Variants in CFDP1 observed in about 807,000 individuals in gnomAD.
The protein encoded by CFDP1 is heterochromatin-stabilizing protein CFDP1.
Under a neutral mutation model 40.1 loss-of-function variants are expected in CFDP1, and 31 were observed. The ratio of observed to expected loss-of-function variants is 0.77; its 90% CI spans 0.58 to 1.04. CFDP1 has a LOEUF of 1.04. Ranked by LOEUF, CFDP1 falls within the 50% of genes least tolerant of loss-of-function variation. The probability of loss-of-function intolerance (pLI) is 0.00; values close to 1 mark genes in which losing one functional copy is unlikely to be tolerated. For missense variants in CFDP1, 423 were observed against 343.4 expected, an observed-to-expected ratio of 1.23 and a Z score of -1.83; for synonymous variants, 167 against 120.0, an observed-to-expected ratio of 1.39 and a Z score of -2.56.
chr16:75,361,000 A>G (rs1014293513), intron 5 of CFDP1, among the ~76,000 whole-genome samples: 4 of 152,052 alleles, frequency 2.6e-5, no homozygotes, highest in Non-Finnish European at 5.9e-5. Context: ...CATTCCACCC[A>G]TTCACCAATT....
intron 5 of CFDP1, among the ~76,000 whole-genome samples, chr16:75,366,882 G>A (rs1242342381): frequency 1.3e-5 from 2 of 151,562 alleles, no homozygotes; most frequent in African/African-American, 4.9e-5. Flanking sequence ...ATTTACTATA[G>A]GCCGGGTGTG....
chr16:75,312,654 T>C (rs2078300732), intron 5 of CFDP1, among the ~76,000 whole-genome samples: 1 of 152,164 alleles, frequency 6.6e-6, no homozygotes, highest in South Asian at 2.1e-4. Context: ...CAGAAACATA[T>C]TACAGAAAGC....
chr16:75,399,870 G>A (rs938045822), intron 4 of CFDP1, among the ~76,000 whole-genome samples: 2 of 152,076 alleles, frequency 1.3e-5, no homozygotes, highest in African/African-American at 4.8e-5. Flanking sequence ...GGGAGGCCAA[G>A]GCAGGCGGAT....
intron 5 of CFDP1, among the ~76,000 whole-genome samples, chr16:75,308,362 G>A (rs1038729701): frequency 1.4e-4 from 22 of 152,114 alleles, no homozygotes; most frequent in African/African-American, 5.3e-4. Context: ...CCTGCTTCCT[G>A]GGATCACTTC....
At chr16:75,295,398 T>C (rs2078175191) in intron 6 of CFDP1, among the ~76,000 whole-genome samples, 1 of 152,242 alleles carries the variant, frequency 6.6e-6, no homozygotes, top group African/African-American at 2.4e-5. Flanking sequence ...GTAATAAAGA[T>C]AATAAATAAT....
At position 75,347,796 on chromosome 16, in the gene CFDP1, A is replaced by G. The variant is rs78181575; in HGVS notation, c.651-42614T>C. ...TGATTAAAGTTAATATGAGTAATACACTGATATATGAGAAAAGGACAAATC... is the reference window on the plus strand; with the variant it reads ...TGATTAAAGTTAATATGAGTAATACGCTGATATATGAGAAAAGGACAAATC... On this transcript the variant is annotated intron_variant, in intron 5 of 6. Transcript: ENST00000283882. Among the ~76,000 whole-genome samples the G allele has an allele frequency of 5.1e-3, 771 of 152,334 alleles. 7 individuals are homozygous for G. The highest frequency in any genetic ancestry group is 0.018 in the African/African-American group (740 of 41,572).
intron 5 of CFDP1, among the ~76,000 whole-genome samples, chr16:75,347,898 C>T (rs1030403998): frequency 1.3e-5 from 2 of 152,152 alleles, no homozygotes; most frequent in Admixed American, 6.5e-5. Context: ...CAAATGAAGA[C>T]ACACTCTACA....
At chr16:75,362,448 G>T (rs1383579634) in intron 5 of CFDP1, among the ~76,000 whole-genome samples, 1 of 152,216 alleles carries the variant, frequency 6.6e-6, no homozygotes, top group African/African-American at 2.4e-5. Context: ...TTCCTGGACA[G>T]TCTCAACTTT....
At chr16:75,411,100 C>T (rs1313718071) in intron 4 of CFDP1, among the ~76,000 whole-genome samples, 1 of 151,942 alleles carries the variant, frequency 6.6e-6, no homozygotes, top group African/African-American at 2.4e-5. Context: ...GGCTTGCAAT[C>T]CCATCTACTT....
chr16:75,412,624 C>G lies in CFDP1; in HGVS notation c.313G>C (p.Ala105Pro). Residue 105 changes from alanine to proline, a missense_variant, in exon 3 of 7, where the codon GCC becomes CCC. Coordinates refer to ENST00000283882, the MANE Select transcript of CFDP1 (RefSeq NM_006324.3). ...EQEKGIGSEDARKKKEDELWA... is the reference protein window; with the variant it reads ...EQEKGIGSEDPRKKKEDELWA... ...AGTTCGTCCTCCTTCTTTTTCCTGG[C>G]ATCCTCTGATCCAATGCCTTTTTCC... 1.2e-6 allele frequency: 2 copies of G among 1,614,174 alleles called. No homozygotes were observed. Among genetic ancestry groups the G allele is most frequent in the South Asian group, 2.2e-5 (2 of 91,080 alleles).
intron 5 of CFDP1, among the ~76,000 whole-genome samples, chr16:75,383,546 C>T (rs1438408311): frequency 6.6e-6 from 1 of 152,098 alleles, no homozygotes; most frequent in African/African-American, 2.4e-5. Flanking sequence ...CCCAGCGAGG[C>T]GCTGTGGCTC....
chr16:75,381,281 A>G (rs956389490), intron 5 of CFDP1: 2 of 152,128 alleles, frequency 1.3e-5, no homozygotes, highest in African/African-American at 4.8e-5. Flanking sequence ...CTGGGTAACA[A>G]AGTGAGACCC....
chr16:75,316,906 G>A (rs962462106), intron 5 of CFDP1, among the ~76,000 whole-genome samples: 7 of 151,588 alleles, frequency 4.6e-5, no homozygotes, highest in South Asian at 4.2e-4. Context: ...GCTTGAACCC[G>A]GGAGGCAGAG....
intron 5 of CFDP1, among the ~76,000 whole-genome samples, chr16:75,346,313 G>A (rs11866363): frequency 0.015 from 2,345 of 152,282 alleles, 57 homozygotes; most frequent in African/African-American, 0.053. Flanking sequence ...GCTGGGCATG[G>A]TGGCTCACGC....
chr16:75,380,755 T>C (rs1310631740), intron 5 of CFDP1, among the ~76,000 whole-genome samples: 34 of 152,056 alleles, frequency 2.2e-4, no homozygotes, highest in Admixed American at 2.2e-3. Flanking sequence ...AACCAAAGAA[T>C]TAACATAAAA....
intron 5 of CFDP1, among the ~76,000 whole-genome samples, chr16:75,317,509 G>C (rs543711264): frequency 1.3e-5 from 2 of 152,290 alleles, no homozygotes; most frequent in Admixed American, 1.3e-4. Context: ...GATTCTGCCT[G>C]GGGAGGAGAT....
rs140440316 is a variant in CFDP1 at position 75,327,993 on chromosome 16, G to C, written c.651-22811C>G. On this transcript the variant is annotated intron_variant, in intron 5 of 6. Transcript: ENST00000283882. ...GATCCGCCTGCCTCGGCCTCCCAAA[G>C]TGCTGGGATTACAGGCGTATGCCAC... Among the ~76,000 whole-genome samples, 276 of 152,106 alleles carry C rather than the reference G, an allele frequency of 1.8e-3. 3 individuals are homozygous for C. Among genetic ancestry groups the C allele is most frequent in the East Asian group, 8.9e-3 (46 of 5,146 alleles).
chr16:75,363,880 CA>C (rs2078695879), intron 5 of CFDP1, among the ~76,000 whole-genome samples: 1 of 150,186 alleles, frequency 6.7e-6, no homozygotes, highest in Non-Finnish European at 1.5e-5. Flanking sequence ...GACAAGCGAG[CA>C]AAACAGATTT....
intron 5 of CFDP1, among the ~76,000 whole-genome samples, chr16:75,354,597 G>A (rs546251723): frequency 6.6e-6 from 1 of 152,364 alleles, no homozygotes; most frequent in South Asian, 2.1e-4. Context: ...GGCTATGCAA[G>A]ATGTTGGGTA....
Sources: allele counts gnomAD v4.1 joint callset (sites outside exome capture counted in the v4.1 genomes callset), GRCh38; gene constraint gnomAD v4.1.1; transcripts MANE v1.5; gene names NCBI Gene and HGNC (gene_info 2026-07-23, HGNC 2026-07-21).